Variants in PHACTR3 observed in about 807,000 individuals in gnomAD.
PHACTR3 encodes the protein protein phosphatase 1, regulatory subunit 123.
In PHACTR3, 16 loss-of-function variants were observed where a neutral mutation model predicts 66.8. The observed-to-expected ratio is 0.24, with a 90% CI of 0.16 to 0.36. The LOEUF is 0.36. Ranked by LOEUF, PHACTR3 falls within the 10% of genes least tolerant of loss-of-function variation. The pLI is 1.00. For missense variants in PHACTR3, 647 were observed against 719.9 expected, an observed-to-expected ratio of 0.90 and a Z score of 1.16; for synonymous variants, 323 against 292.1, an observed-to-expected ratio of 1.11 and a Z score of -1.08.
At chr20:59,653,209 G>C (rs1174753988) in intron 1 of PHACTR3, among the ~76,000 whole-genome samples, 1 of 149,850 alleles carries the variant, frequency 6.7e-6, no homozygotes, top group African/African-American at 2.5e-5. Flanking sequence ...TTTTGAGATG[G>C]AGTCTTGCTC....
chr20:59,828,728 G>C (rs1194860279), intron 8 of PHACTR3, among the ~76,000 whole-genome samples: 1 of 152,062 alleles, frequency 6.6e-6, no homozygotes, highest in African/African-American at 2.4e-5. Context: ...GAGTAGGAGG[G>C]GCTGCTGGAG....
At chr20:59,599,110 G>A (rs2146322778) in intron 1 of PHACTR3, among the ~76,000 whole-genome samples, 1 of 152,358 alleles carries the variant, frequency 6.6e-6, no homozygotes, top group South Asian at 2.1e-4. Context: ...AGCAGAGGGA[G>A]CATGAGCCCC....
intron 8 of PHACTR3, among the ~76,000 whole-genome samples, chr20:59,828,103 G>C (rs1409215269): frequency 6.6e-6 from 1 of 152,208 alleles, no homozygotes; most frequent in Non-Finnish European, 1.5e-5. Flanking sequence ...AGAGTCCGAA[G>C]CCTGTTTATG....
At chr20:59,600,656 G>A (rs952792316), upstream of PHACTR3, among the ~76,000 whole-genome samples, 11 of 152,196 alleles carry the variant, frequency 7.2e-5, no homozygotes, top group African/African-American at 1.4e-4. Flanking sequence ...TTGCCTTTGC[G>A]GTTTTGTGAG....
At chr20:59,772,475 G>A (rs552559653) in intron 5 of PHACTR3, among the ~76,000 whole-genome samples, 4 of 152,324 alleles carry the variant, frequency 2.6e-5, no homozygotes, top group Admixed American at 2.6e-4. Flanking sequence ...GGTCCCAGGG[G>A]ACAGGAGACG....
chr20:59,821,247 G>A (rs548129780), intron 8 of PHACTR3, among the ~76,000 whole-genome samples: 17 of 152,266 alleles, frequency 1.1e-4, no homozygotes, highest in African/African-American at 1.7e-4. Context: ...ACTCCAGACC[G>A]CACGTTAGAG....
chr20:59,819,631 G>A (rs6128703), intron 8 of PHACTR3, among the ~76,000 whole-genome samples: 8 of 151,964 alleles, frequency 5.3e-5, no homozygotes, highest in Non-Finnish European at 1.0e-4. Context: ...TGCCACCCCC[G>A]TGTGTGGCCT....
chr20:59,843,557 C>A (rs1162588419), intron 11 of PHACTR3: 1 of 152,024 alleles, frequency 6.6e-6, no homozygotes, highest in Non-Finnish European at 1.5e-5. Flanking sequence ...TGATTTTTGA[C>A]AAAGGTGCCA....
At chr20:59,841,811 G>A (rs2059067968) in intron 11 of PHACTR3, among the ~76,000 whole-genome samples, 1 of 152,098 alleles carries the variant, frequency 6.6e-6, no homozygotes, top group South Asian at 2.1e-4. Flanking sequence ...AGAGGCCAGG[G>A]ACACTGCTCA....
At chr20:59,846,747 A>G (rs955850689) in intron 12 of PHACTR3, among the ~76,000 whole-genome samples, 2 of 152,214 alleles carry the variant, frequency 1.3e-5, no homozygotes, top group African/African-American at 4.8e-5. Flanking sequence ...TAAAATTACT[A>G]TGAACATATT....
intron 1 of PHACTR3, among the ~76,000 whole-genome samples, chr20:59,661,444 C>T (rs1200131036): frequency 6.6e-6 from 1 of 152,102 alleles, no homozygotes; most frequent in East Asian, 1.9e-4. Context: ...TTTGTTATAA[C>T]AGCCCTAGGA....
At chr20:59,627,474 G>A (rs2034497531) in intron 1 of PHACTR3, among the ~76,000 whole-genome samples, 1 of 152,236 alleles carries the variant, frequency 6.6e-6, no homozygotes, top group African/African-American at 2.4e-5. Flanking sequence ...TGGAAGGATG[G>A]AGAGGTTCTG....
intron 1 of PHACTR3, among the ~76,000 whole-genome samples, chr20:59,623,645 A>G (rs1366857547): frequency 6.6e-6 from 1 of 152,086 alleles, no homozygotes; most frequent in Non-Finnish European, 1.5e-5. Context: ...GTAGATATGA[A>G]GTTTGAAGGA....
intron 8 of PHACTR3, among the ~76,000 whole-genome samples, chr20:59,831,069 G>A (rs2042357312): frequency 6.6e-6 from 1 of 152,090 alleles, no homozygotes. Context: ...GCTACTCACA[G>A]CACAGGGCCA....
intron 1 of PHACTR3, among the ~76,000 whole-genome samples, chr20:59,630,697 C>T (rs927409809): frequency 6.6e-6 from 1 of 152,098 alleles, no homozygotes; most frequent in South Asian, 2.1e-4. Flanking sequence ...CTGGGGTGGG[C>T]GGTTACCTGG....
chr20:59,639,063 GGAT>G (rs781104555), intron 1 of PHACTR3, among the ~76,000 whole-genome samples: 5 of 6,054 alleles, frequency 8.3e-4, no homozygotes, highest in Non-Finnish European at 1.2e-3. Flanking sequence ...ATGGATAGAT[GGAT>G]GGATGGATGG....
At chr20:59,714,813 A>G (rs143479966) in intron 1 of PHACTR3, among the ~76,000 whole-genome samples, 150 of 152,372 alleles carry the variant, frequency 9.8e-4, no homozygotes, top group Middle Eastern at 3.4e-3. Context: ...GTCTGTGAAC[A>G]TGGTATATCC....
chr20:59,759,378 A>G (rs1192450025), intron 4 of PHACTR3, among the ~76,000 whole-genome samples: 2 of 152,202 alleles, frequency 1.3e-5, no homozygotes, highest in Non-Finnish European at 2.9e-5. Flanking sequence ...AAAAATCAGG[A>G]GTGTTCACAG....
chr20:59,714,644 A>G (rs1322347352), intron 1 of PHACTR3, among the ~76,000 whole-genome samples: 1 of 152,178 alleles, frequency 6.6e-6, no homozygotes, highest in South Asian at 2.1e-4. Context: ...TTTTTCTTCA[A>G]GATCATCTTA....
Sources: gnomAD v4.1 joint callset for allele counts (sites outside exome capture counted in the v4.1 genomes callset) on GRCh38, gnomAD v4.1.1 for gene constraint, MANE v1.5 for transcripts, NCBI Gene and HGNC (gene_info 2026-07-23, HGNC 2026-07-21) for gene names.